Variants in KAZN observed in about 807,000 individuals in gnomAD.
KAZN encodes the protein kazrin, periplakin interacting protein, also known as kazrin.
A neutral mutation model predicts 87.4 loss-of-function variants in KAZN; 40 were observed. The observed-to-expected ratio is 0.46, with a 90% CI of 0.36 to 0.60. The LOEUF (loss-of-function observed/expected upper bound fraction) is 0.60, where lower values mean the gene tolerates loss of function less well. Among genes scored for constraint, KAZN ranks in the 20% least tolerant of loss-of-function variants. KAZN has a pLI of 0.00. For synonymous variants in KAZN, 466 were observed against 458.3 expected (o/e 1.02, Z -0.22); for missense variants, 898 against 1,073.9 (o/e 0.84, Z 2.29).
At chr1:15,046,882 G>A (rs10927657) in intron 4 of KAZN, among the ~76,000 whole-genome samples, 1 of 152,162 alleles carries the variant, frequency 6.6e-6, no homozygotes, top group South Asian at 2.1e-4. Context: ...GTTCTCCCAG[G>A]TCTTTCTCAT....
intron 2 of KAZN, among the ~76,000 whole-genome samples, chr1:14,419,083 G>A (rs1665111773): frequency 6.6e-6 from 1 of 152,216 alleles, no homozygotes; most frequent in African/African-American, 2.4e-5. Flanking sequence ...GCCGTATTGA[G>A]CATTTTCAAT....
chr1:14,118,013 T>C (rs957140499), intron 1 of KAZN, among the ~76,000 whole-genome samples: 3 of 152,332 alleles, frequency 2.0e-5, no homozygotes, highest in Admixed American at 1.3e-4. Flanking sequence ...TTCTGCTGCC[T>C]CTGGAACCTA....
At chr1:14,519,437 T>C (rs1671464987) in intron 2 of KAZN, among the ~76,000 whole-genome samples, 1 of 152,128 alleles carries the variant, frequency 6.6e-6, no homozygotes, top group Non-Finnish European at 1.5e-5. Flanking sequence ...AGCATACATG[T>C]CAGGGACAGT....
chr1:15,050,156 A>AAAG (rs1161037226), intron 4 of KAZN, among the ~76,000 whole-genome samples: 1 of 114,614 alleles, frequency 8.7e-6, no homozygotes, highest in African/African-American at 4.0e-5. Flanking sequence ...AATAGAATAG[A>AAAG]ATGGAATAGA....
intron 2 of KAZN, among the ~76,000 whole-genome samples, chr1:14,345,687 T>C (rs1183578373): frequency 1.3e-5 from 2 of 152,212 alleles, no homozygotes; most frequent in Non-Finnish European, 2.9e-5. Flanking sequence ...GCTTAGATTA[T>C]GATGTCCTTC....
rs887243336 is a variant in KAZN, at chr1:14,886,020, G to A, written c.227-74664G>A. Among the ~76,000 whole-genome samples the A allele has an allele frequency of 9.9e-5, 15 of 151,358 alleles. 1 individual carries two copies. Among genetic ancestry groups the A allele is most frequent in the African/African-American group, 1.2e-4 (5 of 41,096 alleles). ...CCATTAGATGCCAGTAACACCCCCC[G>A]CCCCACCCCACAACACCTGCAAATG... On this transcript the variant is annotated intron_variant, in intron 1 of 14. Transcript: ENST00000376030.
At chr1:14,468,855 G>C (rs970020199) in intron 2 of KAZN, among the ~76,000 whole-genome samples, 4 of 152,198 alleles carry the variant, frequency 2.6e-5, no homozygotes, top group Non-Finnish European at 5.9e-5. Flanking sequence ...TCTCGCCTTG[G>C]TGATGGGTCA....
chr1:14,434,000 C>T (rs995621900), intron 2 of KAZN, among the ~76,000 whole-genome samples: 9 of 152,234 alleles, frequency 5.9e-5, no homozygotes, highest in Admixed American at 3.3e-4. Context: ...AGAACCTGGC[C>T]GTGCTGGCAC....
chr1:13,963,647 TTCATGCATCAAAGCCTAGC>T (rs1250261662), intron 1 of KAZN, among the ~76,000 whole-genome samples: 1 of 152,208 alleles, frequency 6.6e-6, no homozygotes, highest in Non-Finnish European at 1.5e-5. Context: ...TAAAATTCTA[TTCATGCATCAAAGCCTAGC>T]TCAGCCATCA....
chr1:14,171,843 A>G (rs1645960556), intron 1 of KAZN, among the ~76,000 whole-genome samples: 1 of 152,344 alleles, frequency 6.6e-6, no homozygotes, highest in South Asian at 2.1e-4. Flanking sequence ...CATGGGCTAT[A>G]CTTCATCTGA....
At chr1:14,214,182 T>C (rs7518617) in intron 2 of KAZN, among the ~76,000 whole-genome samples, 2,754 of 152,294 alleles carry the variant, frequency 0.018, 87 homozygotes, top group African/African-American at 0.063. Context: ...AAGATGTGAA[T>C]ATAAGTAGAA....
At chr1:15,110,477 GTATT>G (rs1200875627) in intron 13 of KAZN, among the ~76,000 whole-genome samples, 5 of 102,602 alleles carry the variant, frequency 4.9e-5, no homozygotes, top group South Asian at 3.2e-4. Flanking sequence ...GTATGTTTGT[GTATT>G]TGTGTGTGTA....
At chr1:14,698,644 C>G (rs1386467684) in intron 1 of KAZN, among the ~76,000 whole-genome samples, 1 of 152,240 alleles carries the variant, frequency 6.6e-6, no homozygotes, top group Non-Finnish European at 1.5e-5. Context: ...AAGCACTTAG[C>G]ATGAGCTGTC....
At chr1:14,921,153 A>AACACC (rs1553156563) in intron 1 of KAZN, among the ~76,000 whole-genome samples, 1 of 144,422 alleles carries the variant, frequency 6.9e-6, no homozygotes, top group Non-Finnish European at 1.5e-5. Flanking sequence ...CTGAGCATGC[A>AACACC]ACACACACAC....
At chr1:14,918,310 G>C (rs529619259) in intron 1 of KAZN, among the ~76,000 whole-genome samples, 1 of 152,206 alleles carries the variant, frequency 6.6e-6, no homozygotes, top group African/African-American at 2.4e-5. Flanking sequence ...GGAGGCCTCT[G>C]TGGGAAGCAA....
At chr1:14,858,381 T>G (rs897282802) in intron 1 of KAZN, among the ~76,000 whole-genome samples, 1 of 151,946 alleles carries the variant, frequency 6.6e-6, no homozygotes, top group African/African-American at 2.4e-5. Context: ...TCCACCTAAT[T>G]TTTGTATTTT....
At chr1:14,549,258 T>G (rs891410626) in intron 2 of KAZN, among the ~76,000 whole-genome samples, 1 of 152,200 alleles carries the variant, frequency 6.6e-6, no homozygotes, top group African/African-American at 2.4e-5. Flanking sequence ...ATGCCCCTCC[T>G]TTCTCCTTCA....
chr1:15,050,839 G>A (rs1674323617), intron 4 of KAZN, among the ~76,000 whole-genome samples: 1 of 152,168 alleles, frequency 6.6e-6, no homozygotes, highest in African/African-American at 2.4e-5. Context: ...ATTGGTCCTT[G>A]GTCTTTGGTC....
chr1:14,381,922 G>GA (rs1215773406), intron 2 of KAZN, among the ~76,000 whole-genome samples: 5 of 151,948 alleles, frequency 3.3e-5, no homozygotes, highest in South Asian at 2.1e-4. Flanking sequence ...CTTATATTTG[G>GA]AAAAAACATA....
Sources: gnomAD v4.1 joint callset for allele counts (sites outside exome capture counted in the v4.1 genomes callset) on GRCh38, gnomAD v4.1.1 for gene constraint, MANE v1.5 for transcripts, NCBI Gene and HGNC (gene_info 2026-07-23, HGNC 2026-07-21) for gene names.